SHISA6: variants seen among roughly 807,000 people sequenced by gnomAD.
SHISA6 encodes shisa family member 6.
In SHISA6, 22 loss-of-function variants were observed where a neutral mutation model predicts 47.9. The ratio of observed to expected loss-of-function variants is 0.46; its 90% CI spans 0.33 to 0.66. The LOEUF (loss-of-function observed/expected upper bound fraction) is 0.66, where lower values mean the gene tolerates loss of function less well. Among genes scored for constraint, SHISA6 ranks in the 30% least tolerant of loss-of-function variants. SHISA6 has a pLI of 0.02. For missense variants in SHISA6, 680 were observed against 764.6 expected (o/e 0.89, Z 1.30); for synonymous variants, 388 against 337.8 (o/e 1.15, Z -1.63).
At chr17:11,430,686 G>A (rs1282678879) in intron 3 of SHISA6, among the ~76,000 whole-genome samples, 1 of 152,144 alleles carries the variant, frequency 6.6e-6, no homozygotes, top group African/African-American at 2.4e-5. Context: ...GCTCCATGGT[G>A]TCTGCCTACC....
chr17:11,419,044 T>TCA (rs927240604), intron 3 of SHISA6, among the ~76,000 whole-genome samples: 7 of 150,946 alleles, frequency 4.6e-5, no homozygotes, highest in Admixed American at 4.6e-4. Context: ...AAGGGGAACA[T>TCA]CACACACTGG....
In SHISA6 at chr17:11,558,301, G is replaced by A. The variant is rs1240845540; in HGVS notation, c.1653G>A (p.Val551=). ...CYTASKTEVT[V] ...CAGCCAGCAAGACCGAAGTGACCGT[G>A]TGACCGGCGGGGCAGGGCCGGGGCT... Residue 551 remains valine (V), a synonymous_variant, in exon 6 of 6, where the codon GTG becomes GTA. Transcript: ENST00000441885. 1 of 1,537,540 alleles carries A rather than the reference G, an allele frequency of 6.5e-7. No individual in the cohort carries two copies. The highest frequency in any genetic ancestry group is 8.7e-7 in the Non-Finnish European group (1 of 1,146,312).
At chr17:11,495,508 A>G (rs1415918490) in intron 3 of SHISA6, among the ~76,000 whole-genome samples, 1 of 152,182 alleles carries the variant, frequency 6.6e-6, no homozygotes, top group African/African-American at 2.4e-5. Flanking sequence ...CTGAGCACAC[A>G]TGTGCTCCTT....
chr17:11,422,018 T>C (rs1443533366), intron 3 of SHISA6, among the ~76,000 whole-genome samples: 1 of 152,120 alleles, frequency 6.6e-6, no homozygotes, highest in Non-Finnish European at 1.5e-5. Context: ...ATGTCAGCGC[T>C]TGTCTCCCTT....
intron 3 of SHISA6, among the ~76,000 whole-genome samples, chr17:11,468,503 C>A (rs1434870136): frequency 6.6e-6 from 1 of 152,008 alleles, no homozygotes; most frequent in Admixed American, 6.6e-5. Context: ...GGCTGGTTTT[C>A]ATCTGAACAC....
At chr17:11,357,045 C>T (rs753139313) in intron 2 of SHISA6, among the ~76,000 whole-genome samples, 20 of 151,902 alleles carry the variant, frequency 1.3e-4, no homozygotes, top group Non-Finnish European at 2.1e-4. Flanking sequence ...AATAGCTGGG[C>T]GTGGTGGCAG....
chr17:11,493,257 T>C (rs886920789), intron 3 of SHISA6, among the ~76,000 whole-genome samples: 1 of 152,070 alleles, frequency 6.6e-6, no homozygotes, highest in African/African-American at 2.4e-5. Flanking sequence ...AGACAGAGTC[T>C]CGCTCTGTCA....
intron 3 of SHISA6, among the ~76,000 whole-genome samples, chr17:11,512,971 A>G (rs2071553594): frequency 6.6e-6 from 1 of 152,026 alleles, no homozygotes; most frequent in Non-Finnish European, 1.5e-5. Context: ...TTATTTCCTT[A>G]GGATCTATTG....
intron 3 of SHISA6, among the ~76,000 whole-genome samples, chr17:11,393,499 A>C (rs546536690): frequency 6.6e-6 from 1 of 152,212 alleles, no homozygotes; most frequent in African/African-American, 2.4e-5. Flanking sequence ...ATTCTACCTC[A>C]TTTAACCAAA....
At chr17:11,286,396 C>T (rs1309566176) in intron 2 of SHISA6, among the ~76,000 whole-genome samples, 1 of 152,152 alleles carries the variant, frequency 6.6e-6, no homozygotes, top group Non-Finnish European at 1.5e-5. Context: ...GAAGCCTTAT[C>T]CCCTAAGACT....
chr17:11,274,161 C>G (rs1336309170), intron 2 of SHISA6, among the ~76,000 whole-genome samples: 1 of 152,172 alleles, frequency 6.6e-6, no homozygotes, highest in Non-Finnish European at 1.5e-5. Flanking sequence ...TCCCCTGCCC[C>G]TCCCATCAAG....
chr17:11,313,160 G>C (rs1487495991), intron 2 of SHISA6, among the ~76,000 whole-genome samples: 1 of 152,060 alleles, frequency 6.6e-6, no homozygotes, highest in African/African-American at 2.4e-5. Flanking sequence ...TAAAATTATT[G>C]GGTTAGTATA....
chr17:11,277,280 T>TCTCTCTCTCTCTCTCTCTCTCACA, intron 2 of SHISA6, among the ~76,000 whole-genome samples: 1 of 53,862 alleles, frequency 1.9e-5, no homozygotes, highest in Non-Finnish European at 3.4e-5. Context: ...TCTCTCTCTC[T>TCTCTCTCTCTCTCTCTCTCTCACA]CACACACACA....
chr17:11,517,419 T>A (rs2071594667), intron 3 of SHISA6, among the ~76,000 whole-genome samples: 1 of 152,190 alleles, frequency 6.6e-6, no homozygotes, highest in Admixed American at 6.5e-5. Context: ...TCTGTAGCTA[T>A]CTGCTTAGGA....
intron 2 of SHISA6, chr17:11,289,159 G>A (rs1474029491): frequency 6.6e-6 from 1 of 152,014 alleles, no homozygotes; most frequent in African/African-American, 2.4e-5. Context: ...TTTGACTCCT[G>A]CCTTTCTTAA....
chr17:11,527,206 T>A (rs1307589275), intron 3 of SHISA6, among the ~76,000 whole-genome samples: 1 of 152,140 alleles, frequency 6.6e-6, no homozygotes, highest in Non-Finnish European at 1.5e-5. Flanking sequence ...GAATGATGGA[T>A]GAGTCTTGGC....
chr17:11,246,802 G>C (rs1907611607), intron 1 of SHISA6, among the ~76,000 whole-genome samples: 1 of 152,160 alleles, frequency 6.6e-6, no homozygotes, highest in African/African-American at 2.4e-5. Context: ...CACCATATAA[G>C]CTTATAAGAC....
intron 3 of SHISA6, among the ~76,000 whole-genome samples, chr17:11,410,929 T>G (rs1380902474): frequency 6.6e-6 from 1 of 152,184 alleles, no homozygotes; most frequent in Non-Finnish European, 1.5e-5. Flanking sequence ...ATGGAAACAG[T>G]GAAACAGAAA....
At chr17:11,460,494 C>T (rs1485684764) in intron 3 of SHISA6, among the ~76,000 whole-genome samples, 2 of 152,266 alleles carry the variant, frequency 1.3e-5, no homozygotes, top group East Asian at 1.9e-4. Context: ...CGGGTGCAAG[C>T]GATTCTCCTG....
Sources: allele counts gnomAD v4.1 joint callset (sites outside exome capture counted in the v4.1 genomes callset), GRCh38; gene constraint gnomAD v4.1.1; transcripts MANE v1.5; gene names NCBI Gene and HGNC (gene_info 2026-07-23, HGNC 2026-07-21).